The following MEGF8 variants were observed in gnomAD, a reference collection of about 807,000 sequenced individuals.
The protein encoded by MEGF8 is multiple epidermal growth factor-like domains protein 8.
Under a neutral mutation model 302.9 loss-of-function variants are expected in MEGF8, and 156 were observed. That is an observed-to-expected ratio of 0.52 (90% CI 0.45 to 0.59). The LOEUF is 0.59. Among genes scored for constraint, MEGF8 ranks in the 20% least tolerant of loss-of-function variants. The pLI is 0.00. For missense variants in MEGF8, 3,345 were observed against 3,964.5 expected, an observed-to-expected ratio of 0.84 and a Z score of 4.20; for synonymous variants, 1,621 against 1,660.5, an observed-to-expected ratio of 0.98 and a Z score of 0.58.
In MEGF8 at chr19:42,362,102, G is replaced by A. The variant is rs138644598; in HGVS notation, c.5733G>A (p.Gly1911=). 1.7e-4 allele frequency: 275 copies of A among 1,612,338 alleles called. 1 individual carries two copies. Among genetic ancestry groups the A allele is most frequent in the Middle Eastern group, 6.7e-4 (4 of 5,954 alleles). Residue 1911 remains glycine, a synonymous_variant, in exon 33 of 42, where the codon GGG becomes GGA. Coordinates refer to ENST00000251268, the MANE Select transcript of MEGF8 (RefSeq NM_001271938.2). ...SGDQAHRLGC[G]GSPCSPMPRS... is the part of the protein sequence containing the mutation. The stretch of plus-strand genomic sequence containing the variant: ...TCATGTCCTTTAGGCTGGGCTGCGG[G>A]GGCTCCCCCTGCTCCCCAATGCCTC...
intron 39 of MEGF8, 54 bp from the exon 40 acceptor site, chr19:42,370,647 G>C (rs2039672396): frequency 6.4e-7 from 1 of 1,560,506 alleles, no homozygotes; most frequent in Admixed American, 1.9e-5. Flanking sequence ...GGGTCTGAGG[G>C]AGGAGGGGGT....
intron 31 of MEGF8, 147 bp downstream of exon 31, chr19:42,359,389 G>A (rs1003738278): frequency 9.5e-6 from 6 of 631,432 alleles, no homozygotes; most frequent in Non-Finnish European, 1.4e-5. Context: ...CTGAACACCA[G>A]GACATGCCCT....
chr19:42,348,215 A>T, intron 12 of MEGF8, 57 bp from the exon 13 acceptor site: 1 of 1,450,624 alleles, frequency 6.9e-7, no homozygotes, highest in Non-Finnish European at 9.2e-7. Flanking sequence ...TCTGGCTCTG[A>T]TGTGGCCTGT....
At chr19:42,350,515 G>C in intron 15 of MEGF8, 131 bp downstream of exon 15, 1 of 783,500 alleles carries the variant, frequency 1.3e-6, no homozygotes, top group African/African-American at 1.7e-5. Flanking sequence ...TGCAGAGCCT[G>C]GTGGGGAGGG....
chr19:42,362,300 C>T (rs1481170155), intron 33 of MEGF8, 84 bp from the exon 34 acceptor site: 1 of 1,609,242 alleles, frequency 6.2e-7, no homozygotes, highest in Non-Finnish European at 8.5e-7. Context: ...GTCCCACCCA[C>T]CCCAGGGTCT....
chr19:42,375,320 C>T lies in MEGF8; in HGVS notation c.7270-187C>T, dbSNP rs550184931. Among the ~76,000 whole-genome samples the T allele has an allele frequency of 6.6e-6, 1 of 152,238 alleles. No homozygotes were observed. The highest frequency in any genetic ancestry group is 1.5e-5 in the Non-Finnish European group (1 of 68,000). On this transcript the variant is annotated intron_variant, in intron 41 of 41. Coordinates refer to ENST00000251268, the MANE Select transcript of MEGF8 (RefSeq NM_001271938.2). This position sits in a 1 kb window ranked among gnomAD's most constrained non-coding sequence, Gnocchi z 7.1. ...GGGCAGCAGTGCTGGAGTGCCAGGT[C>T]CTGGCAAGGTCTACACTGTGGCAGA...
chr19:42,325,944 C>T lies in MEGF8; in HGVS notation c.-300C>T. On this transcript the variant is annotated 5_prime_UTR_variant, in exon 1 of 42. Transcript: ENST00000251268. ...TGCTGGGCACTGTTCATGGGATCGG[C>T]CCCCTATGGAGCCCTGTGTCTATAG... 1 of 337,032 alleles carries T rather than the reference C, an allele frequency of 3.0e-6. No individual in the cohort carries two copies. Among genetic ancestry groups the T allele is most frequent in the East Asian group, 4.7e-5 (1 of 21,362 alleles). 20.9% of individuals were successfully genotyped at this position (337,032 alleles called of 1,614,324 possible). A position where few individuals can be genotyped will look rare whatever the true frequency, so the allele number is the denominator to read the frequency against.
chr19:42,343,573 G>GT lies in MEGF8; in HGVS notation c.1611dup (p.Gly538TrpfsTer19). ...GCTGGGGGGTACAGCGGCCGGCCCC[G>GT]TGGGGACTTGATGGCGTACAAGGTG... On this transcript the variant is annotated frameshift_variant, in exon 9 of 42. Transcript: ENST00000251268. LOFTEE classifies it high-confidence loss of function. 1 of 1,613,206 alleles carries GT rather than the reference G, an allele frequency of 6.2e-7. No individual in the cohort carries two copies. Among genetic ancestry groups the GT allele is most frequent in the Non-Finnish European group, 8.5e-7 (1 of 1,179,648 alleles).
rs1046161621 is a variant in MEGF8 at position 42,353,136 on chromosome 19, C to T, written c.3550+9C>T. 1.3e-6 allele frequency: 2 copies of T among 1,537,710 alleles called. No homozygotes were observed. The highest frequency in any genetic ancestry group is 2.8e-5 in the African/African-American group (2 of 72,378). ...CTGCGACGAGTGCCAGGGTAAGCAG[C>T]CCTTGTCCTGGGCCCAGCCTGGACC... On this transcript the variant is annotated intron_variant, in intron 20 of 41. Transcript: ENST00000251268. This position sits in a 1 kb window ranked among gnomAD's most constrained non-coding sequence, Gnocchi z 6.1.
Position 42,366,725 on chromosome 19 carries a change from C to T in MEGF8, c.6274-1730C>T, listed in dbSNP as rs939632138. Among the ~76,000 whole-genome samples the T allele has an allele frequency of 1.4e-4, 22 of 152,174 alleles. 1 individual carries two copies. Among genetic ancestry groups the T allele is most frequent in the Non-Finnish European group, 3.2e-4 (22 of 68,032 alleles). On this transcript the variant is annotated intron_variant, in intron 35 of 41. Transcript: ENST00000251268. ...TGTTCATACACCTTTTCCATGAACT[C>T]AGGAAATGCAGTGTATGGTGTTGGG...
In MEGF8 at chr19:42,376,922, T is replaced by G; in HGVS notation, c.*147T>G. On this transcript the variant is annotated 3_prime_UTR_variant, in exon 42 of 42. Coordinates refer to ENST00000251268, the MANE Select transcript of MEGF8 (RefSeq NM_001271938.2). The surrounding 1 kb of genome is among the most constrained non-coding windows in gnomAD (Gnocchi z 8.2). ...CAGGGTTGCCCAGATGGGGCCTCCT[T>G]TGTTCTGCATTCAGCAGCTATTTAT... 1.3e-6 allele frequency: 1 copy of G among 779,480 alleles called. No individual in the cohort carries two copies. Among genetic ancestry groups the G allele is most frequent in the Non-Finnish European group, 1.9e-6 (1 of 540,320 alleles). The allele number at this position is 779,480 out of a possible 1,614,324, so 48.3% of individuals were successfully genotyped here. A position where few individuals can be genotyped will look rare whatever the true frequency, so the allele number is the denominator to read the frequency against.
rs192794409 is a variant in MEGF8 at position 42,358,435 on chromosome 19, C to T, written c.5175+128C>T. 21 of 1,200,776 alleles carry T rather than the reference C, an allele frequency of 1.7e-5. No individual in the cohort carries two copies. Among genetic ancestry groups the T allele is most frequent in the Admixed American group, 1.5e-4 (5 of 32,598 alleles). 74.4% of individuals were successfully genotyped at this position (1,200,776 alleles called of 1,614,324 possible). A position where few individuals can be genotyped will look rare whatever the true frequency, so the allele number is the denominator to read the frequency against. ...CTCCTTTCTATGTTCCCTAACTAAG[C>T]GACACCCCCACATCTCCCCCGCTTC... On this transcript the variant is annotated intron_variant, in intron 29 of 41. Coordinates refer to ENST00000251268, the MANE Select transcript of MEGF8 (RefSeq NM_001271938.2). This position sits in a 1 kb window ranked among gnomAD's most constrained non-coding sequence, Gnocchi z 4.4.
intron 14 of MEGF8, 66 bp from the exon 15 acceptor site, chr19:42,350,082 G>A (rs1196664775): frequency 2.3e-6 from 3 of 1,325,594 alleles, no homozygotes; most frequent in Non-Finnish European, 3.2e-6. Context: ...CTTACTTTCA[G>A]TTAGCGCCAG....
chr19:42,368,937 G>A lies in MEGF8; in HGVS notation c.6576G>A (p.Thr2192=), dbSNP rs10425783. 4.7e-3 allele frequency: 7,636 copies of A among 1,613,866 alleles called. 279 individuals are homozygous for A. In the African/African-American group the frequency reaches 0.08, roughly 17 times the overall value. The change falls in exon 37 of 42, where the codon ACG becomes ACA. Residue 2192 remains threonine, a synonymous_variant. Transcript: ENST00000251268. The surrounding 1 kb of genome is among the most constrained non-coding windows in gnomAD (Gnocchi z 4.9). Reference sequence around the variant, plus strand: ...ACGGGCACCACGACTGCAACGAGACGCAGAATTGCCACGACCAGCCCCACG... The same window carrying A: ...ACGGGCACCACGACTGCAACGAGACACAGAATTGCCACGACCAGCCCCACG... ...CANGHHDCNE[T]QNCHDQPHGY... is the part of the protein sequence containing the mutation.
Position 42,368,766 on chromosome 19 carries a change from G to A in MEGF8, c.6482-77G>A, listed in dbSNP as rs2039643407. 1 of 1,566,152 alleles carries A rather than the reference G, an allele frequency of 6.4e-7. No homozygotes were observed. Among genetic ancestry groups the A allele is most frequent in the Non-Finnish European group, 8.7e-7 (1 of 1,156,010 alleles). On this transcript the variant is annotated intron_variant, in intron 36 of 41. Transcript: ENST00000251268. The surrounding 1 kb of genome is among the most constrained non-coding windows in gnomAD (Gnocchi z 4.9). ...CCAGACCCAGAGGTGGGGCTCAGAG[G>A]AGGCAGGAGGGAGGGCCTAGGCAAC...
intron 41 of MEGF8, among the ~76,000 whole-genome samples, chr19:42,373,706 GTTTT>G (rs750576656): frequency 6.9e-5 from 7 of 100,978 alleles, no homozygotes; most frequent in Admixed American, 2.4e-4. Context: ...GGGCTTTTGG[GTTTT>G]TTTTTTTTTT....
chr19:42,369,385 G>C lies in MEGF8; in HGVS notation c.6642-146G>C. 1.3e-6 allele frequency: 1 copy of C among 774,448 alleles called. No homozygotes were observed. The highest frequency in any genetic ancestry group is 2.0e-6 in the Non-Finnish European group (1 of 493,384). The allele number at this position is 774,448 out of a possible 1,614,324, so 48.0% of individuals were successfully genotyped here. On this transcript the variant is annotated intron_variant, in intron 37 of 41. Transcript: ENST00000251268. This position sits in a 1 kb window ranked among gnomAD's most constrained non-coding sequence, Gnocchi z 5.7. ...TGGGCTACACCTGGAGGGGGTGGTG[G>C]GCTAGATCCTGAAGAGAAGATAGCA... is the stretch of plus-strand genomic sequence containing the variant.
In MEGF8 at chr19:42,359,163, C is replaced by T. The variant is rs1356138643; in HGVS notation, c.5409C>T (p.Arg1803=). 1 of 1,602,202 alleles carries T rather than the reference C, an allele frequency of 6.2e-7. No individual in the cohort carries two copies. Among genetic ancestry groups the T allele is most frequent in the Non-Finnish European group, 8.5e-7 (1 of 1,174,608 alleles). The change falls in exon 31 of 42, where the codon CGC becomes CGT. Residue 1803 remains arginine, a synonymous_variant. Coordinates refer to ENST00000251268, the MANE Select transcript of MEGF8 (RefSeq NM_001271938.2). The part of the protein sequence containing the change: ...LGDTMVVLGG[R]SDPDEFSSDV... ...ACACCATGGTGGTTCTTGGGGGGCG[C>T]TCGGACCCTGACGAGTTCAGCAGCG... is the stretch of plus-strand genomic sequence containing the variant.
At position 42,351,479 on chromosome 19, in the gene MEGF8, G is replaced by T; in HGVS notation, c.2906G>T (p.Cys969Phe). 6.2e-7 allele frequency: 1 copy of T among 1,603,722 alleles called. No homozygotes were observed. Residue 969 changes from cysteine (C) to phenylalanine (F), a missense_variant, in exon 17 of 42, where the codon TGC becomes TTC. Cys to Phe is a radical substitution (Grantham distance 205, BLOSUM62 -2). Transcript: ENST00000251268. This position sits in a 1 kb window ranked among gnomAD's most constrained non-coding sequence, Gnocchi z 5.6. The part of the protein sequence containing the change: ...CLANSSQCAW[C>F]QSTHTCFLFA... The stretch of plus-strand genomic sequence containing the variant: ...GCCAACTCTAGCCAGTGCGCCTGGT[G>T]CCAGTCCACCCACACCTGCTTCCTG...
Sources: gnomAD v4.1 joint callset for allele counts (sites outside exome capture counted in the v4.1 genomes callset) on GRCh38, gnomAD v4.1.1 for gene constraint, Gnocchi (gnomAD v3.1) non-coding constraint, MANE v1.5 for transcripts, NCBI Gene and HGNC (gene_info 2026-07-23, HGNC 2026-07-21) for gene names.